The following COL19A1 variants were observed in gnomAD, a reference collection of about 807,000 sequenced individuals.
The protein encoded by COL19A1 is collagen alpha-1(XIX) chain.
COL19A1 carries 159 observed loss-of-function variants against 190.2 expected under a neutral mutation model. The ratio of observed to expected loss-of-function variants is 0.84; its 90% CI spans 0.73 to 0.95. The LOEUF is 0.95. COL19A1 is among the 40% of genes least tolerant of loss of function. The pLI is 0.00. For synonymous variants in COL19A1, 509 were observed against 458.9 expected, an observed-to-expected ratio of 1.11 and a Z score of -1.39; for missense variants, 1,418 against 1,431.9, an observed-to-expected ratio of 0.99 and a Z score of 0.16.
chr6:69,966,158 A>G (rs1775081755), intron 11 of COL19A1, among the ~76,000 whole-genome samples: 1 of 152,126 alleles, frequency 6.6e-6, no homozygotes, highest in South Asian at 2.1e-4. Flanking sequence ...GGTGGGGGGC[A>G]GCCCCCGCCC....
intron 34 of COL19A1, among the ~76,000 whole-genome samples, 164 bp downstream of exon 34, chr6:70,156,887 A>G (rs1021191745): frequency 1.3e-5 from 2 of 152,128 alleles, no homozygotes; most frequent in Admixed American, 6.6e-5. Context: ...TAAATAACAT[A>G]TTTATGTTTA....
Position 70,114,836 on chromosome 6 carries a change from A to G in COL19A1, c.1279-7044A>G, listed in dbSNP as rs140652880. On this transcript the variant is annotated intron_variant, in intron 16 of 50. Transcript: ENST00000620364. ...CATCTGGAAAAACTCATTAGATTCTATTTTCAATGTGAACAAACACACTTG... is the reference window on the plus strand; with the variant it reads ...CATCTGGAAAAACTCATTAGATTCTGTTTTCAATGTGAACAAACACACTTG... 6.0e-4 allele frequency among the ~76,000 whole-genome samples: 92 copies of G among 152,302 alleles called. 1 individual carries two copies. The highest frequency in any genetic ancestry group is 1.9e-3 in the African/African-American group (81 of 41,560).
At chr6:70,034,335 A>C in intron 13 of COL19A1, 37 bp downstream of exon 13, 1 of 1,536,094 alleles carries the variant, frequency 6.5e-7, no homozygotes, top group African/African-American at 1.4e-5. Flanking sequence ...ACCTTTCTTT[A>C]AGAAAACTCT....
intron 14 of COL19A1, among the ~76,000 whole-genome samples, chr6:70,068,016 AGAATAT>A (rs1216273615): frequency 6.6e-6 from 1 of 152,156 alleles, no homozygotes; most frequent in Non-Finnish European, 1.5e-5. Context: ...GCATTTCCTT[AGAATAT>A]ACTTTAAAAG....
intron 11 of COL19A1, among the ~76,000 whole-genome samples, chr6:70,017,718 T>TA (rs1399818169): frequency 1.3e-5 from 2 of 151,930 alleles, no homozygotes; most frequent in Non-Finnish European, 2.9e-5. Context: ...AGAGGTAGAA[T>TA]AAAAATGAAG....
At chr6:70,066,046 C>T (rs1781172437) in intron 14 of COL19A1, among the ~76,000 whole-genome samples, 1 of 152,186 alleles carries the variant, frequency 6.6e-6, no homozygotes, top group African/African-American at 2.4e-5. Context: ...TGCAGCGATT[C>T]CTCAGGGATC....
At chr6:70,074,516 A>AAAAAAG (rs1306737214) in intron 15 of COL19A1, among the ~76,000 whole-genome samples, 1 of 149,238 alleles carries the variant, frequency 6.7e-6, no homozygotes. Context: ...AAAAAAAAAA[A>AAAAAAG]AGAGAGAGAA....
intron 11 of COL19A1, among the ~76,000 whole-genome samples, chr6:69,985,106 A>T (rs530479265): frequency 1.3e-5 from 2 of 152,296 alleles, no homozygotes; most frequent in East Asian, 3.9e-4. Flanking sequence ...TAAGGGAAGA[A>T]TTGTTTCCTT....
intron 2 of COL19A1, among the ~76,000 whole-genome samples, chr6:69,888,101 G>A (rs1326066106): frequency 2.0e-5 from 3 of 152,198 alleles, no homozygotes; most frequent in African/African-American, 4.8e-5. Context: ...AGCTCCCTCA[G>A]AGGCCTATCT....
intron 2 of COL19A1, among the ~76,000 whole-genome samples, chr6:69,882,725 T>G (rs1768645338): frequency 6.6e-6 from 1 of 152,214 alleles, no homozygotes; most frequent in Non-Finnish European, 1.5e-5. Flanking sequence ...AATTTAAATT[T>G]AGGCCTGTAA....
Position 70,047,971 on chromosome 6 carries a change from C to T in COL19A1, c.1170+12032C>T, listed in dbSNP as rs1447957098. 2.0e-5 allele frequency among the ~76,000 whole-genome samples: 3 copies of T among 152,078 alleles called. No individual in the cohort carries two copies. In the South Asian group the frequency reaches 6.2e-4, roughly 31 times the overall value. ...AGTTCCTAGGAAAATGGCTGTGTTG[C>T]TCTGGCCATGTCTCTTTGGGAAGTT... On this transcript the variant is annotated intron_variant, in intron 14 of 50. Transcript: ENST00000620364.
At chr6:70,117,806 T>G (rs1055414625) in intron 16 of COL19A1, among the ~76,000 whole-genome samples, 3 of 152,200 alleles carry the variant, frequency 2.0e-5, no homozygotes, top group African/African-American at 7.2e-5. Context: ...AAACAGACAT[T>G]GTATAGGCAT....
At chr6:70,083,695 T>C (rs1782413477) in intron 15 of COL19A1, among the ~76,000 whole-genome samples, 1 of 152,190 alleles carries the variant, frequency 6.6e-6, no homozygotes, top group African/African-American at 2.4e-5. Context: ...AATGTGCACT[T>C]AGCCAGGTCA....
At chr6:70,021,549 A>G (rs77070657) in intron 11 of COL19A1, among the ~76,000 whole-genome samples, 7,171 of 152,216 alleles carry the variant, frequency 0.047, 567 homozygotes, top group African/African-American at 0.16. Flanking sequence ...TTGTATTGGT[A>G]TTAACACTTT....
At position 69,869,036 on chromosome 6, in the gene COL19A1, G is replaced by GA. The variant is rs34233318; in HGVS notation, c.-33+2408dup. ...AATATATAACCCTGAAAAGATGCTGGAAAAAAAAAAAACCCAGAATGAATA... is the reference window on the plus strand; with the variant it reads ...AATATATAACCCTGAAAAGATGCTGGAAAAAAAAAAAAACCCAGAATGAATA... On this transcript the variant is annotated intron_variant, in intron 1 of 50. Coordinates refer to ENST00000620364, the MANE Select transcript of COL19A1 (RefSeq NM_001858.6). Among the ~76,000 whole-genome samples the GA allele has an allele frequency of 4.3e-3, 644 of 148,782 alleles. 6 individuals are homozygous for GA. The highest frequency in any genetic ancestry group is 0.014 in the African/African-American group (564 of 40,610).
chr6:69,875,145 T>C (rs1407952230), intron 1 of COL19A1, among the ~76,000 whole-genome samples: 1 of 152,194 alleles, frequency 6.6e-6, no homozygotes, highest in Non-Finnish European at 1.5e-5. Context: ...TTGCGCATAG[T>C]AACATTTAAA....
Position 70,206,986 on chromosome 6 carries a change from G to C in COL19A1, c.3301+8G>C, listed in dbSNP as rs1243974830. ...GTCTTCCTGGGACTTCAGGTAAGTGGGATATTGTCTTCACAACACAAGCAA... is the reference window on the plus strand; with the variant it reads ...GTCTTCCTGGGACTTCAGGTAAGTGCGATATTGTCTTCACAACACAAGCAA... On this transcript the variant is annotated splice_region_variant and intron_variant, in intron 50 of 50. Transcript: ENST00000620364. The C allele has an allele frequency of 6.2e-7, 1 of 1,612,884 alleles. No individual in the cohort carries two copies. Among genetic ancestry groups the C allele is most frequent in the Non-Finnish European group, 8.5e-7 (1 of 1,179,628 alleles).
At chr6:69,903,714 C>T (rs548778328) in intron 4 of COL19A1, among the ~76,000 whole-genome samples, 1 of 152,176 alleles carries the variant, frequency 6.6e-6, no homozygotes, top group South Asian at 2.1e-4. Context: ...GTGCTCCGTG[C>T]ACTGCCATAG....
intron 14 of COL19A1, among the ~76,000 whole-genome samples, chr6:70,058,995 T>G (rs566417755): frequency 6.6e-6 from 1 of 152,070 alleles, no homozygotes; most frequent in Non-Finnish European, 1.5e-5. Context: ...AACTTAAAAC[T>G]TTATTCCTGT....
Sources: allele counts gnomAD v4.1 joint callset (sites outside exome capture counted in the v4.1 genomes callset), GRCh38; gene constraint gnomAD v4.1.1; transcripts MANE v1.5; gene names NCBI Gene and HGNC (gene_info 2026-07-23, HGNC 2026-07-21).